The following KIF26B variants were observed in gnomAD, a reference collection of about 807,000 sequenced individuals.
The protein encoded by KIF26B is kinesin-like protein KIF26B.
In KIF26B, 63 loss-of-function variants were observed where a neutral mutation model predicts 151.2. The observed-to-expected ratio is 0.42, with a 90% confidence interval of 0.34 to 0.51. KIF26B has a LOEUF of 0.51. Ranked by LOEUF, KIF26B falls within the 20% of genes least tolerant of loss-of-function variation. The pLI, the probability that KIF26B is intolerant of heterozygous loss-of-function variation, is 0.07. For missense variants in KIF26B, 2,813 were observed against 2,913.6 expected (o/e 0.97, Z 0.79); for synonymous variants, 1,357 against 1,262.1 (o/e 1.08, Z -1.59).
chr1:245,366,208 G>A (rs35780579), intron 2 of KIF26B, among the ~76,000 whole-genome samples: 6,277 of 152,210 alleles, frequency 0.041, 221 homozygotes, highest in African/African-American at 0.09. Flanking sequence ...AGAGCCCAGG[G>A]ATGGCTATAA....
chr1:245,567,235 T>C (rs558783686), intron 5 of KIF26B, among the ~76,000 whole-genome samples: 16 of 152,278 alleles, frequency 1.1e-4, no homozygotes, highest in African/African-American at 3.6e-4. Context: ...TGCTGCCGGG[T>C]GGACTGTGAC....
At chr1:245,261,686 G>A (rs1670648465) in intron 2 of KIF26B, among the ~76,000 whole-genome samples, 1 of 151,952 alleles carries the variant, frequency 6.6e-6, no homozygotes, top group Non-Finnish European at 1.5e-5. Flanking sequence ...CTGGGCTCAA[G>A]TGATCCTCCC....
chr1:245,589,410 G>C (rs2043262308), intron 5 of KIF26B, among the ~76,000 whole-genome samples: 1 of 152,152 alleles, frequency 6.6e-6, no homozygotes, highest in Non-Finnish European at 1.5e-5. Flanking sequence ...CCTGCCATCT[G>C]TCCCCAGGCG....
intron 2 of KIF26B, among the ~76,000 whole-genome samples, chr1:245,328,726 C>T (rs572734041): frequency 6.6e-6 from 1 of 152,306 alleles, no homozygotes; most frequent in South Asian, 2.1e-4. Context: ...CCCTCCTGGT[C>T]ACAACGCCTG....
intron 5 of KIF26B, among the ~76,000 whole-genome samples, chr1:245,546,202 T>G (rs890500148): frequency 6.6e-6 from 1 of 152,136 alleles, no homozygotes; most frequent in Non-Finnish European, 1.5e-5. Context: ...TTTGTTTGGT[T>G]TTGGTTTTGT....
intron 9 of KIF26B, among the ~76,000 whole-genome samples, chr1:245,613,284 G>A (rs1470682827): frequency 3.3e-5 from 5 of 152,210 alleles, no homozygotes; most frequent in Non-Finnish European, 7.3e-5. Context: ...CCGCAAAGCT[G>A]TTGTAGATGA....
At chr1:245,439,372 A>AAAAAAG in intron 4 of KIF26B, among the ~76,000 whole-genome samples, 1 of 151,960 alleles carries the variant, frequency 6.6e-6, no homozygotes, top group African/African-American at 2.4e-5. Context: ...AAGAAAAAAG[A>AAAAAAG]AAGGTAATAA....
chr1:245,573,671 C>A (rs189417018), intron 5 of KIF26B, among the ~76,000 whole-genome samples: 71 of 151,538 alleles, frequency 4.7e-4, no homozygotes, highest in African/African-American at 1.6e-3. Context: ...TTGCTCATTG[C>A]AAACTGGCCA....
At chr1:245,283,038 G>A in intron 2 of KIF26B, 2 of 221,248 alleles carry the variant, frequency 9.0e-6, no homozygotes, top group Admixed American at 5.2e-5. Flanking sequence ...CTAATGGCCT[G>A]CAAATTCTAC....
At chr1:245,435,859 C>T (rs1236596764) in intron 4 of KIF26B, among the ~76,000 whole-genome samples, 2 of 152,114 alleles carry the variant, frequency 1.3e-5, no homozygotes, top group African/African-American at 2.4e-5. Flanking sequence ...CTAAGGTGAG[C>T]GCTTTAGCAT....
intron 2 of KIF26B, among the ~76,000 whole-genome samples, chr1:245,225,246 C>A (rs1273533404): frequency 7.9e-5 from 12 of 152,166 alleles, no homozygotes; most frequent in Admixed American, 7.9e-4. Flanking sequence ...CAGATGTGTA[C>A]CTGGTGAAGG....
chr1:245,242,788 A>T (rs925924518), intron 2 of KIF26B, among the ~76,000 whole-genome samples: 1 of 152,058 alleles, frequency 6.6e-6, no homozygotes, highest in Non-Finnish European at 1.5e-5. Flanking sequence ...AGTAGCTGGG[A>T]TTACAGGCAC....
At chr1:245,442,264 T>C (rs1390851408) in intron 4 of KIF26B, among the ~76,000 whole-genome samples, 1 of 151,824 alleles carries the variant, frequency 6.6e-6, no homozygotes, top group African/African-American at 2.4e-5. Context: ...GAGGCGAGAG[T>C]TGCTTCCTGT....
chr1:245,197,817 C>G (rs545097235), intron 2 of KIF26B, among the ~76,000 whole-genome samples: 47 of 152,276 alleles, frequency 3.1e-4, no homozygotes, highest in African/African-American at 1.1e-3. Flanking sequence ...ATATAGACGA[C>G]AACTAGGCAC....
At chr1:245,261,862 C>T (rs903203226) in intron 2 of KIF26B, among the ~76,000 whole-genome samples, 6 of 152,132 alleles carry the variant, frequency 3.9e-5, no homozygotes, top group Non-Finnish European at 5.9e-5. Flanking sequence ...GGGTTATAGA[C>T]GTGCGCCACC....
At chr1:245,573,546 T>C (rs2043085906) in intron 5 of KIF26B, among the ~76,000 whole-genome samples, 1 of 151,822 alleles carries the variant, frequency 6.6e-6, no homozygotes, top group South Asian at 2.1e-4. Context: ...AAAAGAATAA[T>C]AATAATGAGT....
intron 3 of KIF26B, among the ~76,000 whole-genome samples, chr1:245,382,450 C>T (rs77517295): frequency 0.038 from 5,741 of 152,114 alleles, 144 homozygotes; most frequent in African/African-American, 0.064. Flanking sequence ...GCATCTATGG[C>T]CTAAGATTGC....
chr1:245,225,629 C>T (rs764212946), intron 2 of KIF26B, among the ~76,000 whole-genome samples: 10 of 152,210 alleles, frequency 6.6e-5, no homozygotes, highest in Non-Finnish European at 1.5e-4. Flanking sequence ...GTTCTTCCCT[C>T]GTCTTCCAAG....
At chr1:245,679,447 T>G (rs1381061021) in intron 10 of KIF26B, among the ~76,000 whole-genome samples, 11 of 109,550 alleles carry the variant, frequency 1.0e-4, no homozygotes, top group African/African-American at 2.3e-4. Context: ...TTTGTGTTTT[T>G]TTTGTGTGTG....
Sources: allele counts gnomAD v4.1 joint callset (sites outside exome capture counted in the v4.1 genomes callset), GRCh38; gene constraint gnomAD v4.1.1; transcripts MANE v1.5; gene names NCBI Gene and HGNC (gene_info 2026-07-23, HGNC 2026-07-21).